Variants in REG4 observed in about 807,000 individuals in gnomAD.
REG4 encodes regenerating islet-derived protein 4.
REG4 carries 16 observed loss-of-function variants against 22.3 expected under a neutral mutation model. That is an observed-to-expected ratio of 0.72 (90% CI 0.49 to 1.09). REG4 has a LOEUF of 1.09. Among genes scored for constraint, REG4 ranks in the 50% least tolerant of loss-of-function variants. The pLI, the probability that REG4 is intolerant of heterozygous loss-of-function variation, is 0.00. For synonymous variants in REG4, 71 were observed against 69.2 expected (o/e 1.03, Z -0.13); for missense variants, 214 against 193.9 (o/e 1.10, Z -0.61).
intron 3 of REG4, among the ~76,000 whole-genome samples, chr1:119,800,627 A>G (rs1205592009): frequency 3.3e-5 from 5 of 152,156 alleles, no homozygotes; most frequent in Non-Finnish European, 7.3e-5. Context: ...AATTATTATT[A>G]CCCTATATTA....
At chr1:119,809,707 T>C (rs1654437182) in intron 1 of REG4, among the ~76,000 whole-genome samples, 1 of 152,190 alleles carries the variant, frequency 6.6e-6, no homozygotes, top group African/African-American at 2.4e-5. Flanking sequence ...AATTCTCATA[T>C]ATAGGGTTGT....
intron 2 of REG4, among the ~76,000 whole-genome samples, chr1:119,806,295 G>T (rs188787658): frequency 6.6e-6 from 1 of 152,058 alleles, no homozygotes; most frequent in Non-Finnish European, 1.5e-5. Flanking sequence ...GGTCCAGGCC[G>T]TTTACATATA....
chr1:119,801,947 A>G (rs1032533780), intron 3 of REG4: 1 of 152,090 alleles, frequency 6.6e-6, no homozygotes, highest in Non-Finnish European at 1.5e-5. Context: ...GTATTATCCC[A>G]CTTTCCAGTA....
chr1:119,804,554 TACAA>T (rs1382909011), intron 2 of REG4, among the ~76,000 whole-genome samples: 1 of 152,246 alleles, frequency 6.6e-6, no homozygotes, highest in Non-Finnish European at 1.5e-5. Flanking sequence ...TCAAATATAC[TACAA>T]ACAAACAGCA....
At chr1:119,805,961 C>T (rs1654302050) in intron 2 of REG4, among the ~76,000 whole-genome samples, 1 of 152,164 alleles carries the variant, frequency 6.6e-6, no homozygotes, top group Non-Finnish European at 1.5e-5. Context: ...TGCACTACCC[C>T]ACTCCCATCG....
At chr1:119,807,411 T>A (rs1241096182) in intron 2 of REG4, among the ~76,000 whole-genome samples, 1 of 152,204 alleles carries the variant, frequency 6.6e-6, no homozygotes, top group Non-Finnish European at 1.5e-5. Flanking sequence ...CTGCATCTCC[T>A]CCTCAGGAGA....
rs1653875117 is a variant in REG4 at position 119,794,563 on chromosome 1, G to C, written c.*55C>G. The C allele has an allele frequency of 7.4e-6, 11 of 1,481,598 alleles. No individual in the cohort carries two copies. The South Asian group carries it at 1.2e-4, about 17-fold the overall frequency. The allele number at this position is 1,481,598 out of a possible 1,614,324, so 91.8% of individuals were successfully genotyped here. A position where few individuals can be genotyped will look rare whatever the true frequency, so the allele number is the denominator to read the frequency against. ...ATAATGAGCAGATTTAGCCAGGCTAGCAGAAAGGAAGAGGACGGGGCTGTG... is the reference window on the plus strand; with the variant it reads ...ATAATGAGCAGATTTAGCCAGGCTACCAGAAAGGAAGAGGACGGGGCTGTG... On this transcript the variant is annotated 3_prime_UTR_variant, in exon 6 of 6. Transcript: ENST00000256585.
chr1:119,798,548 C>T lies in REG4; in HGVS notation c.358G>A (p.Gly120Ser), dbSNP rs757089012. ...TGCTTGTTCCCACCCATGGACTTGC[C>T]AGACCAGGATCTGTACAGATACATG... The part of the protein sequence containing the change: ...GAMYLYRSWS[G>S]KSMGGNKHCA... The change falls in exon 5 of 6, where the codon GGC (glycine) becomes AGC (serine). Residue 120 changes from glycine to serine, a missense_variant. Coordinates refer to ENST00000256585, the MANE Select transcript of REG4 (RefSeq NM_032044.4). 6.2e-7 allele frequency: 1 copy of T among 1,614,182 alleles called. No individual in the cohort carries two copies. The highest frequency in any genetic ancestry group is 8.5e-7 in the Non-Finnish European group (1 of 1,180,018).
intron 1 of REG4, among the ~76,000 whole-genome samples, chr1:119,810,606 T>C (rs950859713): frequency 6.6e-6 from 1 of 152,212 alleles, no homozygotes; most frequent in African/African-American, 2.4e-5. Flanking sequence ...ATAGTGTATT[T>C]TCAATGTCCT....
At chr1:119,802,871 A>G (rs1205875643) in intron 3 of REG4, 197 bp downstream of exon 3, 1 of 1,549,796 alleles carries the variant, frequency 6.5e-7, no homozygotes, top group Non-Finnish European at 8.7e-7. Context: ...GGTCTGGCAT[A>G]CAGCACCTGC....
At position 119,798,604 on chromosome 1, in the gene REG4, T is replaced by C; in HGVS notation, c.304-2A>G. 2.5e-6 allele frequency: 4 copies of C among 1,613,624 alleles called. No homozygotes were observed. The highest frequency in any genetic ancestry group is 3.4e-6 in the Non-Finnish European group (4 of 1,179,516). On this transcript the variant is annotated splice_acceptor_variant, in intron 4 of 5. Transcript: ENST00000256585. LOFTEE classifies it high-confidence loss of function. Reference sequence around the variant, plus strand: ...ATCAATCCACTGCCACTGCTGCCTCTGCAACAACAGGAGATGGAGAAGTGT... The same window carrying C: ...ATCAATCCACTGCCACTGCTGCCTCCGCAACAACAGGAGATGGAGAAGTGT...
At chr1:119,802,494 C>T (rs1654141815) in intron 3 of REG4, 2 of 1,033,826 alleles carry the variant, frequency 1.9e-6, no homozygotes, top group Non-Finnish European at 2.3e-6. Context: ...CACAATTCAG[C>T]AGCATCCACT....
intron 3 of REG4, chr1:119,802,586 A>G: frequency 6.7e-6 from 8 of 1,201,338 alleles, no homozygotes; most frequent in Non-Finnish European, 8.2e-6. Flanking sequence ...TAAAATGGAC[A>G]GGTTTGTGGA....
intron 1 of REG4, among the ~76,000 whole-genome samples, chr1:119,811,184 G>A (rs1654486314): frequency 6.6e-6 from 1 of 152,226 alleles, no homozygotes; most frequent in Admixed American, 6.5e-5. Flanking sequence ...CCAGCTACCA[G>A]ACTGCAGAGC....
At chr1:119,800,216 G>C (rs587752882) in intron 3 of REG4, among the ~76,000 whole-genome samples, 1 of 152,302 alleles carries the variant, frequency 6.6e-6, no homozygotes, top group East Asian at 1.9e-4. Flanking sequence ...CCTAGGACCT[G>C]TCATGAGGCC....
intron 3 of REG4, chr1:119,802,547 GT>G: frequency 8.9e-7 from 1 of 1,128,602 alleles, no homozygotes; most frequent in African/African-American, 1.6e-5. Flanking sequence ...TGTCTATTTG[GT>G]TATCTCTCAG....
At chr1:119,804,090 G>T (rs993180757) in intron 2 of REG4, among the ~76,000 whole-genome samples, 1 of 152,214 alleles carries the variant, frequency 6.6e-6, no homozygotes, top group Non-Finnish European at 1.5e-5. Context: ...GAGGCATCAG[G>T]TGATCAAGGG....
At chr1:119,803,539 G>C (rs12142268) in intron 2 of REG4, among the ~76,000 whole-genome samples, 20,816 of 152,180 alleles carry the variant, frequency 0.14, 1,562 homozygotes, top group South Asian at 0.18. Context: ...AACCCATGCT[G>C]TGGTTATCTC....
chr1:119,809,354 T>C (rs2994809), intron 1 of REG4, among the ~76,000 whole-genome samples: 137,798 of 152,176 alleles, frequency 0.91, 62,943 homozygotes, highest in Middle Eastern at 0.99. Flanking sequence ...ACACCAGCTA[T>C]AAGCAGATCT....
Sources: allele counts gnomAD v4.1 joint callset (sites outside exome capture counted in the v4.1 genomes callset), GRCh38; gene constraint gnomAD v4.1.1; transcripts MANE v1.5; gene names NCBI Gene and HGNC (gene_info 2026-07-23, HGNC 2026-07-21).